Variants in PACRGL observed in about 807,000 individuals in gnomAD.
PACRGL encodes the protein PACRG-like protein.
In PACRGL, 38 loss-of-function variants were observed where a neutral mutation model predicts 34.5. The observed-to-expected ratio is 1.10, with a 90% CI of 0.85 to 1.44. The LOEUF (loss-of-function observed/expected upper bound fraction) is 1.44, where lower values mean the gene tolerates loss of function less well. PACRGL is among the 40% of genes most tolerant of loss of function. The pLI, the probability that PACRGL is intolerant of heterozygous loss-of-function variation, is 0.00. For synonymous variants in PACRGL, 128 were observed against 100.1 expected, an observed-to-expected ratio of 1.28 and a Z score of -1.66; for missense variants, 305 against 281.4, an observed-to-expected ratio of 1.08 and a Z score of -0.60.
At chr4:20,712,544 A>G (rs903782086) in intron 5 of PACRGL, among the ~76,000 whole-genome samples, 2 of 152,080 alleles carry the variant, frequency 1.3e-5, no homozygotes, top group Admixed American at 1.3e-4. Flanking sequence ...GAACTTTAGT[A>G]TCCACGGGTT....
At chr4:20,715,794 G>T (rs1226924139) in intron 7 of PACRGL, among the ~76,000 whole-genome samples, 11 of 152,110 alleles carry the variant, frequency 7.2e-5, no homozygotes, top group Admixed American at 7.2e-4. Context: ...GAACCTTGGA[G>T]GTGGAGGTTG....
chr4:20,744,027 GGC>G (rs1244400626), intron 8 of PACRGL, among the ~76,000 whole-genome samples: 2 of 152,042 alleles, frequency 1.3e-5, no homozygotes, highest in Non-Finnish European at 2.9e-5. Context: ...CATCATCACT[GGC>G]CATCAGAGAA....
At chr4:20,745,047 C>T (rs75745245) in intron 8 of PACRGL, among the ~76,000 whole-genome samples, 1 of 152,166 alleles carries the variant, frequency 6.6e-6, no homozygotes, top group Non-Finnish European at 1.5e-5. Context: ...CAGACTCTTG[C>T]TAGGAATGGT....
chr4:20,754,199 C>G (rs948740182), downstream of PACRGL, among the ~76,000 whole-genome samples: 2 of 152,086 alleles, frequency 1.3e-5, no homozygotes, highest in African/African-American at 4.8e-5. Context: ...GGCTTTTGTT[C>G]AATCCAGTTT....
the PACRGL span, among the ~76,000 whole-genome samples, chr4:20,764,794 G>A: frequency 1.3e-5 from 2 of 152,178 alleles, no homozygotes; most frequent in South Asian, 4.1e-4. Context: ...GAGGCGTTTG[G>A]ACAGGTCCCT....
Position 20,731,104 on chromosome 4 carries a change from CAG to C in PACRGL, c.*3766_*3767del, listed in dbSNP as rs1343130612. Among the ~76,000 whole-genome samples the C allele has an allele frequency of 1.3e-5, 2 of 152,088 alleles. No individual in the cohort carries two copies. The highest frequency in any genetic ancestry group is 2.9e-5 in the Non-Finnish European group (2 of 68,016). Reference sequence around the variant, plus strand: ...TTTTTTTCTTTTTTTAGTTTTGAGGCAGAGTCTATTTCTGTTGCCCATCATTC... The same window carrying C: ...TTTTTTTCTTTTTTTAGTTTTGAGGCAGTCTATTTCTGTTGCCCATCATTC... On this transcript the variant is annotated 3_prime_UTR_variant, in exon 9 of 9. Coordinates refer to ENST00000503585, the MANE Select transcript of PACRGL (RefSeq NM_001258345.3).
chr4:20,729,489 ATAATTTT>A lies in PACRGL; in HGVS notation c.*2152_*2158del, dbSNP rs1194367650. On this transcript the variant is annotated 3_prime_UTR_variant, in exon 9 of 9. Coordinates refer to ENST00000503585, the MANE Select transcript of PACRGL (RefSeq NM_001258345.3). ...TAATAAACTAATTTTTAAATGTTTA[ATAATTTT>A]TAAATGTTTAAAAATGCCAGATAAA... 8.4e-6 allele frequency: 1 copy of A among 119,526 alleles called. No homozygotes were observed. Among genetic ancestry groups the A allele is most frequent in the Non-Finnish European group, 1.8e-5 (1 of 56,946 alleles). 7.4% of individuals were successfully genotyped at this position (119,526 alleles called of 1,614,324 possible).
chr4:20,708,422 T>G (rs990156602), intron 4 of PACRGL, among the ~76,000 whole-genome samples: 31 of 152,008 alleles, frequency 2.0e-4, no homozygotes, highest in African/African-American at 7.3e-4. Flanking sequence ...AAAATTTTAT[T>G]TTGATTATGG....
At chr4:20,762,366 A>G in the PACRGL span, among the ~76,000 whole-genome samples, 1 of 152,220 alleles carries the variant, frequency 6.6e-6, no homozygotes. Flanking sequence ...CTAAAGGGAC[A>G]CAAACATTCA....
intron 7 of PACRGL, among the ~76,000 whole-genome samples, chr4:20,719,331 A>G (rs1455738024): frequency 6.6e-6 from 1 of 152,084 alleles, no homozygotes; most frequent in Non-Finnish European, 1.5e-5. Flanking sequence ...TATCTCCTTC[A>G]ATTCTGCTCT....
At position 20,728,956 on chromosome 4, in the gene PACRGL, T is replaced by G. The variant is rs1460975314; in HGVS notation, c.*1615T>G. ...ATCTGAATTATGATGAGCTAAATCATACTGTAATCTGGATTAGTTGTTGAG... is the reference window on the plus strand; with the variant it reads ...ATCTGAATTATGATGAGCTAAATCAGACTGTAATCTGGATTAGTTGTTGAG... On this transcript the variant is annotated 3_prime_UTR_variant, in exon 9 of 9. Transcript: ENST00000503585. The G allele has an allele frequency of 6.6e-6, 1 of 152,014 alleles. No individual in the cohort carries two copies. The highest frequency in any genetic ancestry group is 6.6e-5 in the Admixed American group (1 of 15,266). 9.4% of individuals were successfully genotyped at this position (152,014 alleles called of 1,614,324 possible).
In PACRGL at chr4:20,700,516, C is replaced by A. The variant is rs533537868; in HGVS notation, c.-288C>A. On this transcript the variant is annotated 5_prime_UTR_variant, in exon 1 of 9. Coordinates refer to ENST00000503585, the MANE Select transcript of PACRGL (RefSeq NM_001258345.3). ...CCGCGGTTGTTGGCCGACCGAGTGC[C>A]GGTCATAAGCCCCCCCCGGTGGGGG... The A allele has an allele frequency of 6.6e-6, 1 of 152,124 alleles. No individual in the cohort carries two copies. Among genetic ancestry groups the A allele is most frequent in the Non-Finnish European group, 1.5e-5 (1 of 68,060 alleles). The allele number at this position is 152,124 out of a possible 1,614,324, so 9.4% of individuals were successfully genotyped here.
downstream of PACRGL, chr4:20,734,835 G>T: frequency 1.7e-6 from 1 of 571,732 alleles, no homozygotes; most frequent in South Asian, 3.0e-5. Flanking sequence ...TCTGGATCTT[G>T]AACATTTAGC....
chr4:20,720,971 G>A (rs1251992791), intron 7 of PACRGL, among the ~76,000 whole-genome samples: 32 of 152,232 alleles, frequency 2.1e-4, no homozygotes, highest in Non-Finnish European at 4.4e-5. Context: ...CCAATCAGAC[G>A]TAGATTTGGT....
chr4:20,748,926 T>TA (rs1168224625), intron 8 of PACRGL, among the ~76,000 whole-genome samples: 1 of 149,962 alleles, frequency 6.7e-6, no homozygotes, highest in Non-Finnish European at 1.5e-5. Flanking sequence ...ATGAAATACA[T>TA]ATATAAGCTA....
chr4:20,745,622 G>A (rs549455803), intron 8 of PACRGL, among the ~76,000 whole-genome samples: 73 of 152,236 alleles, frequency 4.8e-4, no homozygotes, highest in African/African-American at 1.7e-3. Flanking sequence ...AATGATAAAG[G>A]GGTGGAGAGG....
chr4:20,752,746 T>C (rs983177504), exon 9 of PACRGL: 10 of 152,210 alleles, frequency 6.6e-5, no homozygotes, highest in African/African-American at 2.4e-4. Context: ...TGGCTTTGAC[T>C]GGGTGAGAGA....
rs1278688932 is a variant in PACRGL at position 20,728,949 on chromosome 4, T to TAAATCATACTGTAATCTGGATTAGTTG, written c.*1609_*1635dup. On this transcript the variant is annotated 3_prime_UTR_variant, in exon 9 of 9. Transcript: ENST00000503585. ...AAAAATAATCTGAATTATGATGAGC[T>TAAATCATACTGTAATCTGGATTAGTTG]AAATCATACTGTAATCTGGATTAGT... 1 of 152,130 alleles carries TAAATCATACTGTAATCTGGATTAGTTG rather than the reference T, an allele frequency of 6.6e-6. No homozygotes were observed. Among genetic ancestry groups the TAAATCATACTGTAATCTGGATTAGTTG allele is most frequent in the Non-Finnish European group, 1.5e-5 (1 of 68,034 alleles). 9.4% of individuals were successfully genotyped at this position (152,130 alleles called of 1,614,324 possible).
chr4:20,732,766 TTCATTATA>T, downstream of PACRGL: 5 of 1,608,128 alleles, frequency 3.1e-6, no homozygotes, highest in Non-Finnish European at 4.3e-6. Flanking sequence ...GTATATTGCT[TTCATTATA>T]TCAAGCATTT....
Sources: allele counts gnomAD v4.1 joint callset (sites outside exome capture counted in the v4.1 genomes callset), GRCh38; gene constraint gnomAD v4.1.1; transcripts MANE v1.5; gene names NCBI Gene and HGNC (gene_info 2026-07-23, HGNC 2026-07-21).